Variants in KCNH7 observed in about 807,000 individuals in gnomAD.
KCNH7 encodes the protein voltage-gated inwardly rectifying potassium channel KCNH7.
A neutral mutation model predicts 120.8 loss-of-function variants in KCNH7; 49 were observed. The ratio of observed to expected loss-of-function variants is 0.41; its 90% CI spans 0.32 to 0.51. The LOEUF is 0.51. KCNH7 is among the 20% of genes least tolerant of loss of function. The probability of loss-of-function intolerance (pLI) is 0.38; values close to 1 mark genes in which losing one functional copy is unlikely to be tolerated. For synonymous variants in KCNH7, 547 were observed against 516.1 expected, an observed-to-expected ratio of 1.06 and a Z score of -0.81; for missense variants, 1,097 against 1,446.6, an observed-to-expected ratio of 0.76 and a Z score of 3.92.
intron 2 of KCNH7, among the ~76,000 whole-genome samples, chr2:162,645,517 T>C (rs1402669955): frequency 6.6e-6 from 1 of 152,180 alleles, no homozygotes; most frequent in Non-Finnish European, 1.5e-5. Flanking sequence ...TGAGGTCATT[T>C]GCAAATTTAG....
chr2:162,439,873 T>C (rs1470222774), intron 7 of KCNH7, among the ~76,000 whole-genome samples: 1 of 151,712 alleles, frequency 6.6e-6, no homozygotes, highest in Non-Finnish European at 1.5e-5. Flanking sequence ...TTTGTATGTA[T>C]GTTAGATACT....
intron 2 of KCNH7, among the ~76,000 whole-genome samples, chr2:162,690,842 G>A (rs1291133435): frequency 2.0e-5 from 3 of 152,108 alleles, no homozygotes; most frequent in Non-Finnish European, 4.4e-5. Flanking sequence ...ATTTCTACAG[G>A]GGAAGTGTAT....
At chr2:162,416,439 C>T (rs1183030778) in intron 9 of KCNH7, among the ~76,000 whole-genome samples, 1 of 151,760 alleles carries the variant, frequency 6.6e-6, no homozygotes. Flanking sequence ...AGGCTCTGGG[C>T]TAAATCCCTA....
intron 2 of KCNH7, among the ~76,000 whole-genome samples, chr2:162,646,061 A>C (rs1359366120): frequency 6.6e-6 from 1 of 152,210 alleles, no homozygotes; most frequent in Non-Finnish European, 1.5e-5. Flanking sequence ...ATTATACAAG[A>C]ACTAGTTTTG....
intron 2 of KCNH7, among the ~76,000 whole-genome samples, chr2:162,605,580 A>T (rs902469684): frequency 6.6e-6 from 1 of 152,116 alleles, no homozygotes; most frequent in Admixed American, 6.6e-5. Context: ...TTATTTTTCA[A>T]ATTGCTAGGA....
intron 12 of KCNH7, among the ~76,000 whole-genome samples, chr2:162,388,888 C>T (rs1420469429): frequency 6.6e-6 from 1 of 151,918 alleles, no homozygotes; most frequent in Non-Finnish European, 1.5e-5. Context: ...TATTTTCTAG[C>T]ACATTGGATT....
intron 2 of KCNH7, among the ~76,000 whole-genome samples, chr2:162,728,546 A>G (rs1687608073): frequency 6.6e-6 from 1 of 152,204 alleles, no homozygotes. Context: ...TGGGAGGCCA[A>G]GGCAGGCGGA....
At chr2:162,835,089 T>C (rs370435604) in intron 2 of KCNH7, among the ~76,000 whole-genome samples, 58 of 152,170 alleles carry the variant, frequency 3.8e-4, no homozygotes, top group African/African-American at 1.3e-3. Flanking sequence ...CCAATAAATG[T>C]TTTCAAGACA....
At chr2:162,522,173 T>C (rs1416487172) in intron 3 of KCNH7, among the ~76,000 whole-genome samples, 3 of 151,934 alleles carry the variant, frequency 2.0e-5, no homozygotes, top group Non-Finnish European at 4.4e-5. Context: ...GTGAACTGCA[T>C]CGAAGTCATT....
intron 3 of KCNH7, among the ~76,000 whole-genome samples, chr2:162,518,491 T>C (rs908833677): frequency 6.6e-6 from 1 of 151,824 alleles, no homozygotes; most frequent in Admixed American, 6.6e-5. Context: ...AATTGAAGGA[T>C]GAACAGAGTT....
chr2:162,797,010 G>T (rs1432868385), intron 2 of KCNH7: 3 of 152,014 alleles, frequency 2.0e-5, no homozygotes, highest in African/African-American at 7.2e-5. Context: ...TTAAGATGCA[G>T]GTCCATCTAG....
At chr2:162,597,738 G>A (rs921172210) in intron 2 of KCNH7, among the ~76,000 whole-genome samples, 2 of 152,018 alleles carry the variant, frequency 1.3e-5, no homozygotes, top group Non-Finnish European at 1.5e-5. Flanking sequence ...GTAAGGTGAT[G>A]AATAAGTTCA....
At chr2:162,396,570 CT>C (rs749312530) in intron 11 of KCNH7, among the ~76,000 whole-genome samples, 169 bp downstream of exon 11, 167 of 151,976 alleles carry the variant, frequency 1.1e-3, no homozygotes, top group South Asian at 2.3e-3. Flanking sequence ...GGCTAAATTT[CT>C]TTCCTATAAT....
intron 2 of KCNH7, among the ~76,000 whole-genome samples, chr2:162,806,593 G>C (rs1010012979): frequency 1.3e-5 from 2 of 152,134 alleles, no homozygotes; most frequent in Non-Finnish European, 2.9e-5. Flanking sequence ...CTGCTACTCA[G>C]TGTTACAATT....
intron 2 of KCNH7, among the ~76,000 whole-genome samples, chr2:162,615,394 T>C (rs1021246271): frequency 5.9e-5 from 9 of 152,190 alleles, no homozygotes; most frequent in African/African-American, 1.7e-4. Context: ...CTGTTGACTA[T>C]TTACATAAAG....
intron 2 of KCNH7, among the ~76,000 whole-genome samples, chr2:162,813,648 T>G (rs1207383870): frequency 1.3e-5 from 2 of 152,210 alleles, no homozygotes; most frequent in Non-Finnish European, 2.9e-5. Flanking sequence ...TTCTACTAAG[T>G]CTGTCATTAG....
rs1688049388 is a variant in KCNH7, at chr2:162,739,590, C to A, written c.307+96947G>T. Among the ~76,000 whole-genome samples, 6 of 152,260 alleles carry A rather than the reference C, an allele frequency of 3.9e-5. 1 individual carries two copies. In the South Asian group the frequency reaches 1.2e-3, roughly 32 times the overall value. ...CATGGGGCCCAGTCATCAGGTGAACCTCCCCAGGATTTTTCTGTCTCCCTT... is the reference window on the plus strand; with the variant it reads ...CATGGGGCCCAGTCATCAGGTGAACATCCCCAGGATTTTTCTGTCTCCCTT... On this transcript the variant is annotated intron_variant, in intron 2 of 15. Transcript: ENST00000332142.
chr2:162,550,933 T>C (rs969702140), intron 2 of KCNH7, among the ~76,000 whole-genome samples: 1 of 151,562 alleles, frequency 6.6e-6, no homozygotes, highest in Non-Finnish European at 1.5e-5. Context: ...TACATTTTTC[T>C]CTATACAGAT....
rs957635935 is a variant in KCNH7 at position 162,435,426 on chromosome 2, C to T, written c.1726G>A (p.Val576Ile). The change falls in exon 8 of 16, where the codon GTA (valine) becomes ATA (isoleucine). Residue 576 changes from valine to isoleucine, a missense_variant. Coordinates refer to ENST00000332142, the MANE Select transcript of KCNH7 (RefSeq NM_033272.4). ...LACIWYAIGN[V>I]ERPYLTDKIG... is the part of the protein sequence containing the mutation. ...TTGTCAGTCAGGTAAGGCCTTTCTA[C>T]ATTCCCAATCGCATACCAAATGCAA... 6.2e-7 allele frequency: 1 copy of T among 1,613,794 alleles called. No individual in the cohort carries two copies. The highest frequency in any genetic ancestry group is 8.5e-7 in the Non-Finnish European group (1 of 1,179,856).
Sources: allele counts gnomAD v4.1 joint callset (sites outside exome capture counted in the v4.1 genomes callset), GRCh38; gene constraint gnomAD v4.1.1; transcripts MANE v1.5; gene names NCBI Gene and HGNC (gene_info 2026-07-23, HGNC 2026-07-21).